The following CNTN4 variants were observed in gnomAD, a reference collection of about 807,000 sequenced individuals.
CNTN4 encodes the protein contactin-4.
Under a neutral mutation model 122.5 loss-of-function variants are expected in CNTN4, and 77 were observed. The observed-to-expected ratio is 0.63, with a 90% confidence interval of 0.52 to 0.76. The LOEUF (loss-of-function observed/expected upper bound fraction) is 0.76, where lower values mean the gene tolerates loss of function less well. CNTN4 is among the 30% of genes least tolerant of loss of function. The probability of loss-of-function intolerance (pLI) is 0.00; values close to 1 mark genes in which losing one functional copy is unlikely to be tolerated. For missense variants in CNTN4, 1,256 were observed against 1,259.1 expected (o/e 1.00, Z 0.04); for synonymous variants, 512 against 447.0 (o/e 1.15, Z -1.83).
At chr3:2,681,387 G>C (rs907784848) in intron 4 of CNTN4, among the ~76,000 whole-genome samples, 2 of 152,174 alleles carry the variant, frequency 1.3e-5, no homozygotes, top group Non-Finnish European at 2.9e-5. Flanking sequence ...CTCACCAGCA[G>C]TGCAAGGGCA....
chr3:2,868,836 C>T (rs1472528020), intron 8 of CNTN4, among the ~76,000 whole-genome samples: 1 of 151,990 alleles, frequency 6.6e-6, no homozygotes, highest in South Asian at 2.1e-4. Context: ...AATAGCAGCT[C>T]TGTGGTGGGT....
chr3:2,897,234 AG>A (rs1240956683), intron 10 of CNTN4, among the ~76,000 whole-genome samples: 1 of 152,214 alleles, frequency 6.6e-6, no homozygotes, highest in Non-Finnish European at 1.5e-5. Flanking sequence ...TCTATCCAAG[AG>A]ACAAAGTGTG....
At chr3:2,804,223 G>A (rs2092413651) in intron 6 of CNTN4, among the ~76,000 whole-genome samples, 1 of 152,118 alleles carries the variant, frequency 6.6e-6, no homozygotes, top group East Asian at 1.9e-4. Context: ...TACAGTGGGT[G>A]TTAGGATCAC....
chr3:2,255,805 T>C (rs931918052), intron 2 of CNTN4, among the ~76,000 whole-genome samples: 2 of 152,150 alleles, frequency 1.3e-5, no homozygotes, highest in African/African-American at 2.4e-5. Flanking sequence ...TAGAGGGAAA[T>C]CTATAGCACT....
intron 2 of CNTN4, among the ~76,000 whole-genome samples, chr3:2,221,188 CATCCCAG>C (rs2039046948): frequency 6.6e-6 from 1 of 152,076 alleles, no homozygotes; most frequent in Admixed American, 6.5e-5. Flanking sequence ...AACATTGATG[CATCCCAG>C]ATTTGTGGGC....
intron 4 of CNTN4, among the ~76,000 whole-genome samples, chr3:2,688,927 A>G (rs1334191638): frequency 6.6e-6 from 1 of 152,188 alleles, no homozygotes; most frequent in Non-Finnish European, 1.5e-5. Context: ...GAACAGGTCC[A>G]AGATGAGGAG....
intron 8 of CNTN4, 60 bp downstream of exon 8, chr3:2,867,009 TA>T: frequency 1.4e-6 from 2 of 1,441,422 alleles, no homozygotes; most frequent in Non-Finnish European, 9.7e-7. Context: ...AATGTGGAGG[TA>T]TGTTATGTTG....
intron 2 of CNTN4, among the ~76,000 whole-genome samples, chr3:2,194,921 C>T (rs920012996): frequency 6.6e-6 from 1 of 152,118 alleles, no homozygotes; most frequent in East Asian, 1.9e-4. Flanking sequence ...TGTTTTAAGC[C>T]ACCCAATTTG....
At chr3:2,231,571 C>A (rs182700499) in intron 2 of CNTN4, among the ~76,000 whole-genome samples, 86 of 152,214 alleles carry the variant, frequency 5.6e-4, no homozygotes, top group African/African-American at 2.0e-3. Context: ...GTGATTGGAA[C>A]AAAATTAGAA....
intron 2 of CNTN4, among the ~76,000 whole-genome samples, chr3:2,337,225 A>C (rs991335098): frequency 6.6e-6 from 1 of 152,148 alleles, no homozygotes; most frequent in Non-Finnish European, 1.5e-5. Context: ...TTCACCCAAC[A>C]GATAAGTTCT....
chr3:2,579,311 C>G (rs958258188), intron 4 of CNTN4, among the ~76,000 whole-genome samples: 1 of 152,306 alleles, frequency 6.6e-6, no homozygotes, highest in Admixed American at 6.5e-5. Context: ...CTAACGTCAA[C>G]CTGTGTGATC....
chr3:2,702,097 T>G (rs1206485205), intron 4 of CNTN4, among the ~76,000 whole-genome samples: 1 of 152,206 alleles, frequency 6.6e-6, no homozygotes, highest in Admixed American at 6.5e-5. Flanking sequence ...CTTTGTTGTT[T>G]TCTATCTCTG....
chr3:2,581,329 G>A (rs2079928225), intron 4 of CNTN4, among the ~76,000 whole-genome samples: 1 of 152,092 alleles, frequency 6.6e-6, no homozygotes, highest in Non-Finnish European at 1.5e-5. Flanking sequence ...TGACCTCAGA[G>A]ACTTTAATAT....
chr3:2,553,943 C>A (rs892271830), intron 3 of CNTN4, among the ~76,000 whole-genome samples: 1 of 152,128 alleles, frequency 6.6e-6, no homozygotes, highest in Non-Finnish European at 1.5e-5. Flanking sequence ...ACAAAATGCT[C>A]ATTTTTACCA....
intron 13 of CNTN4, among the ~76,000 whole-genome samples, chr3:2,971,119 T>C (rs1692872482): frequency 6.6e-6 from 1 of 152,132 alleles, no homozygotes; most frequent in African/African-American, 2.4e-5. Context: ...GAAAATAAAA[T>C]GTTATTAAGA....
chr3:2,993,255 GCCTTA>G (rs774180593), intron 14 of CNTN4, among the ~76,000 whole-genome samples: 7 of 151,370 alleles, frequency 4.6e-5, no homozygotes, highest in Non-Finnish European at 8.8e-5. Context: ...GGTTGCTCTT[GCCTTA>G]CAACAGCAAA....
chr3:2,220,708 A>G (rs375231528), intron 2 of CNTN4, among the ~76,000 whole-genome samples: 14 of 152,134 alleles, frequency 9.2e-5, no homozygotes, highest in Admixed American at 7.2e-4. Context: ...TACATAGATA[A>G]TAATTGCAAG....
chr3:2,251,013 CCT>C (rs1329845839), intron 2 of CNTN4, among the ~76,000 whole-genome samples: 1 of 151,720 alleles, frequency 6.6e-6, no homozygotes, highest in African/African-American at 2.4e-5. Context: ...TATATTGTCA[CCT>C]ATATATATAG....
At chr3:2,214,699 A>G (rs925038996) in intron 2 of CNTN4, among the ~76,000 whole-genome samples, 5 of 152,176 alleles carry the variant, frequency 3.3e-5, no homozygotes, top group Admixed American at 1.3e-4. Flanking sequence ...AATCAATCAT[A>G]ATGATCAAGT....
Sources: gnomAD v4.1 joint callset for allele counts (sites outside exome capture counted in the v4.1 genomes callset) on GRCh38, gnomAD v4.1.1 for gene constraint, MANE v1.5 for transcripts, NCBI Gene and HGNC (gene_info 2026-07-23, HGNC 2026-07-21) for gene names.